GRIP1: variants seen among roughly 807,000 people sequenced by gnomAD.
GRIP1 encodes the protein glutamate receptor interacting protein 1, also known as glutamate receptor-interacting protein 1.
Under a neutral mutation model 129.9 loss-of-function variants are expected in GRIP1, and 45 were observed. The observed-to-expected ratio is 0.35, with a 90% CI of 0.27 to 0.44. The LOEUF (loss-of-function observed/expected upper bound fraction) is 0.44. Among genes scored for constraint, GRIP1 ranks in the 20% least tolerant of loss-of-function variants. GRIP1 has a pLI of 1.00. For missense variants in GRIP1, 1,196 were observed against 1,396.8 expected (o/e 0.86, Z 2.29); for synonymous variants, 530 against 520.8 (o/e 1.02, Z -0.24).
At chr12:66,421,625 G>A (rs1343272649) in intron 14 of GRIP1, among the ~76,000 whole-genome samples, 5 of 148,372 alleles carry the variant, frequency 3.4e-5, no homozygotes, top group Non-Finnish European at 5.9e-5. Flanking sequence ...TTTAAATTCT[G>A]CTCACAAATT....
At chr12:66,753,687 T>C (rs1412833975) in intron 1 of GRIP1, among the ~76,000 whole-genome samples, 1 of 152,240 alleles carries the variant, frequency 6.6e-6, no homozygotes, top group Non-Finnish European at 1.5e-5. Flanking sequence ...CCAGAGCATT[T>C]ATTATGTATA....
intron 11 of GRIP1, among the ~76,000 whole-genome samples, chr12:66,445,756 G>T (rs1383191605): frequency 6.6e-6 from 1 of 152,142 alleles, no homozygotes; most frequent in East Asian, 1.9e-4. Flanking sequence ...ATCATTGTGG[G>T]GGCTTTAAGA....
At chr12:66,669,126 C>T (rs935117360) in intron 1 of GRIP1, among the ~76,000 whole-genome samples, 1 of 151,978 alleles carries the variant, frequency 6.6e-6, no homozygotes, top group Non-Finnish European at 1.5e-5. Context: ...AAATTGACAT[C>T]ATTTGGCCAG....
intron 1 of GRIP1, among the ~76,000 whole-genome samples, chr12:66,659,580 TA>T (rs1472597514): frequency 2.0e-5 from 3 of 152,236 alleles, no homozygotes; most frequent in Non-Finnish European, 4.4e-5. Context: ...CATAAGCTCC[TA>T]AAAAAGAACA....
At chr12:66,571,608 G>A (rs1215912486) in intron 2 of GRIP1, among the ~76,000 whole-genome samples, 1 of 151,930 alleles carries the variant, frequency 6.6e-6, no homozygotes, top group African/African-American at 2.4e-5. Context: ...ATGCCCTATT[G>A]ATGCCTTTAA....
upstream of GRIP1, chr12:66,679,282 C>T (rs780430514): frequency 9.4e-6 from 4 of 423,374 alleles, no homozygotes; most frequent in Non-Finnish European, 1.6e-5. Context: ...AGGCAAAAGG[C>T]GATGTATCCA....
chr12:67,069,069 C>T, exon 1 of GRIP1: 1 of 984,716 alleles, frequency 1.0e-6, no homozygotes, highest in Non-Finnish European at 1.2e-6. Flanking sequence ...GCTCCTCTGC[C>T]TGCAAGCAGA....
At chr12:66,913,639 T>C (rs2041069442) in intron 1 of GRIP1, among the ~76,000 whole-genome samples, 1 of 152,206 alleles carries the variant, frequency 6.6e-6, no homozygotes, top group Admixed American at 6.5e-5. Context: ...GCATACTTTA[T>C]ATTAAGCTGC....
chr12:66,710,661 C>G (rs1261182840), intron 1 of GRIP1, among the ~76,000 whole-genome samples: 1 of 151,878 alleles, frequency 6.6e-6, no homozygotes, highest in African/African-American at 2.4e-5. Flanking sequence ...TCAACTCCCC[C>G]GCCCATCATG....
intron 1 of GRIP1, among the ~76,000 whole-genome samples, chr12:67,018,450 C>T (rs1308954608): frequency 6.6e-6 from 1 of 152,214 alleles, no homozygotes; most frequent in African/African-American, 2.4e-5. Flanking sequence ...GCAGCTCTGC[C>T]TTCCTCTTGA....
intron 1 of GRIP1, among the ~76,000 whole-genome samples, chr12:66,988,263 T>C (rs937861633): frequency 6.6e-6 from 1 of 152,208 alleles, no homozygotes; most frequent in Non-Finnish European, 1.5e-5. Flanking sequence ...GCCTGGGTGA[T>C]GGGAGTGAAA....
At position 66,789,661 on chromosome 12, in the gene GRIP1, A is replaced by C. The variant is rs558281078; in HGVS notation, c.-420+14392T>G. On this transcript the variant is annotated intron_variant, in intron 1 of 4. Coordinates refer to the GRIP1 transcript ENST00000538373. ...CCATTAACTATTTAAACATGTCCTT[A>C]AATTTGAAATTTGTATTCTAAACAT... Among the ~76,000 whole-genome samples, 48 of 152,188 alleles carry C rather than the reference A, an allele frequency of 3.2e-4. 1 individual carries two copies. The highest frequency in any genetic ancestry group is 1.1e-3 in the African/African-American group (45 of 41,556).
At chr12:66,574,765 G>C (rs1474503139) in intron 2 of GRIP1, among the ~76,000 whole-genome samples, 5 of 149,014 alleles carry the variant, frequency 3.4e-5, no homozygotes, top group Admixed American at 2.7e-4. Flanking sequence ...GCTGACTGAA[G>C]GAACTCTCTG....
intron 15 of GRIP1, among the ~76,000 whole-genome samples, chr12:66,406,691 A>G (rs986058222): frequency 6.6e-6 from 1 of 152,220 alleles, no homozygotes; most frequent in African/African-American, 2.4e-5. Context: ...TCACTCAGGA[A>G]GCATACAATT....
intron 1 of GRIP1, among the ~76,000 whole-genome samples, chr12:66,793,422 C>T (rs1007363295): frequency 2.0e-5 from 3 of 152,100 alleles, no homozygotes; most frequent in African/African-American, 7.2e-5. Context: ...GAATTACATA[C>T]ATCAGTCCCT....
At chr12:66,445,645 C>G (rs1418529633) in intron 11 of GRIP1, 137 bp from the exon 12 acceptor site, 1 of 617,654 alleles carries the variant, frequency 1.6e-6, no homozygotes, top group African/African-American at 1.8e-5. Flanking sequence ...TCTGGTTTAG[C>G]AAGAGTTGAA....
intron 1 of GRIP1, among the ~76,000 whole-genome samples, chr12:67,032,903 T>C (rs1296222268): frequency 1.3e-5 from 2 of 152,186 alleles, no homozygotes; most frequent in Non-Finnish European, 2.9e-5. Context: ...TTCCAAAATA[T>C]TATCATTTTA....
At chr12:66,460,407 A>T (rs537726497) in intron 9 of GRIP1, among the ~76,000 whole-genome samples, 3 of 152,318 alleles carry the variant, frequency 2.0e-5, no homozygotes, top group African/African-American at 7.2e-5. Context: ...CAGTGGTTCC[A>T]GGTTGCCCTG....
At chr12:66,757,785 ATTTTAACT>A (rs2037342938) in intron 1 of GRIP1, among the ~76,000 whole-genome samples, 1 of 152,144 alleles carries the variant, frequency 6.6e-6, no homozygotes, top group Admixed American at 6.5e-5. Flanking sequence ...GATAAAAGCC[ATTTTAACT>A]GGGGTAAGAC....
Sources: gnomAD v4.1 joint callset for allele counts (sites outside exome capture counted in the v4.1 genomes callset) on GRCh38, gnomAD v4.1.1 for gene constraint, MANE v1.5 for transcripts, NCBI Gene and HGNC (gene_info 2026-07-23, HGNC 2026-07-21) for gene names.